Variants in CRYL1 observed in about 807,000 individuals in gnomAD.
CRYL1 encodes lambda-crystallin homolog.
In CRYL1, 29 loss-of-function variants were observed where a neutral mutation model predicts 36.6. The observed-to-expected ratio is 0.79, with a 90% CI of 0.59 to 1.08. The LOEUF is 1.08. CRYL1 is among the 50% of genes least tolerant of loss of function. The pLI is 0.00. For synonymous variants in CRYL1, 152 were observed against 151.5 expected (o/e 1.00, Z -0.02); for missense variants, 411 against 407.9 (o/e 1.01, Z -0.06).
chr13:20,430,053 C>T (rs1439273948), intron 5 of CRYL1, among the ~76,000 whole-genome samples: 1 of 152,094 alleles, frequency 6.6e-6, no homozygotes, highest in Non-Finnish European at 1.5e-5. Flanking sequence ...ATAACTAAAG[C>T]CCCTCATACC....
At position 20,458,349 on chromosome 13, in the gene CRYL1, C is replaced by T. The variant is rs564594793; in HGVS notation, c.277-18595G>A. Reference sequence around the variant, plus strand: ...GTGGTTATTTCCCTTTAAGCAATAACCAAAAGGGCAGGTCCCACCCCAAGA... The same window carrying T: ...GTGGTTATTTCCCTTTAAGCAATAATCAAAAGGGCAGGTCCCACCCCAAGA... On this transcript the variant is annotated intron_variant, in intron 3 of 7. Transcript: ENST00000298248. Among the ~76,000 whole-genome samples, 7 of 152,160 alleles carry T rather than the reference C, an allele frequency of 4.6e-5. No homozygotes were observed. The East Asian group carries it at 1.4e-3, about 29-fold the overall frequency.
chr13:20,421,527 C>A (rs2031815833), intron 5 of CRYL1, among the ~76,000 whole-genome samples: 1 of 152,200 alleles, frequency 6.6e-6, no homozygotes, highest in Non-Finnish European at 1.5e-5. Flanking sequence ...TGGCTTCTAC[C>A]TGCAGCTGAT....
chr13:20,473,005 G>A (rs1211661677), intron 3 of CRYL1: 1 of 152,306 alleles, frequency 6.6e-6, no homozygotes, highest in Non-Finnish European at 1.5e-5. Flanking sequence ...TAGGATTTGG[G>A]GGTCCAAGAT....
chr13:20,467,961 T>C (rs1003864479), intron 3 of CRYL1, among the ~76,000 whole-genome samples: 3 of 152,136 alleles, frequency 2.0e-5, no homozygotes, highest in African/African-American at 7.2e-5. Flanking sequence ...AACCCTGTTG[T>C]GAACCTCACA....
intron 6 of CRYL1, among the ~76,000 whole-genome samples, chr13:20,407,037 C>T (rs908830365): frequency 1.3e-5 from 2 of 150,138 alleles, no homozygotes; most frequent in African/African-American, 2.4e-5. Flanking sequence ...GCCTTTGTAA[C>T]GTTTTAAAGG....
At chr13:20,479,595 A>C (rs1302990867) in intron 3 of CRYL1, among the ~76,000 whole-genome samples, 1 of 152,222 alleles carries the variant, frequency 6.6e-6, no homozygotes, top group Admixed American at 6.5e-5. Context: ...GTTGATTAAT[A>C]TAAGTAGAAT....
intron 3 of CRYL1, among the ~76,000 whole-genome samples, chr13:20,470,715 CCTGA>C (rs1321330571): frequency 2.0e-5 from 3 of 151,932 alleles, no homozygotes; most frequent in South Asian, 4.1e-4. Context: ...TTGAGAACAG[CCTGA>C]CTAACATGGT....
At chr13:20,446,966 G>A (rs1266914364) in intron 3 of CRYL1, among the ~76,000 whole-genome samples, 1 of 152,154 alleles carries the variant, frequency 6.6e-6, no homozygotes, top group East Asian at 1.9e-4. Flanking sequence ...TTTTTTGTTA[G>A]CAATTATTTA....
intron 2 of CRYL1, among the ~76,000 whole-genome samples, chr13:20,507,661 G>A (rs973900682): frequency 5.3e-5 from 8 of 152,316 alleles, no homozygotes; most frequent in African/African-American, 1.4e-4. Flanking sequence ...GCTCACACCT[G>A]TAATCCCAGC....
At position 20,415,423 on chromosome 13, in the gene CRYL1, G is replaced by T. The variant is rs890149857; in HGVS notation, c.634-2036C>A. Among the ~76,000 whole-genome samples the T allele has an allele frequency of 1.3e-5, 2 of 152,126 alleles. No individual in the cohort carries two copies. Among genetic ancestry groups the T allele is most frequent in the Non-Finnish European group, 2.9e-5 (2 of 68,002 alleles). ...GGCGACAGCCAGGTGCCTCAGGTCCGTGTGCTGGCTTGGACACCGCCCTGC... is the reference window on the plus strand; with the variant it reads ...GGCGACAGCCAGGTGCCTCAGGTCCTTGTGCTGGCTTGGACACCGCCCTGC... On this transcript the variant is annotated intron_variant, in intron 5 of 7. Coordinates refer to ENST00000298248, the MANE Select transcript of CRYL1 (RefSeq NM_015974.3). This position sits in a 1 kb window ranked among gnomAD's most constrained non-coding sequence, Gnocchi z 4.1.
At chr13:20,460,019 G>A (rs1353153530) in intron 3 of CRYL1, among the ~76,000 whole-genome samples, 1 of 152,030 alleles carries the variant, frequency 6.6e-6, no homozygotes, top group Admixed American at 6.6e-5. Flanking sequence ...ATATACAAAT[G>A]ATTTGGAATT....
chr13:20,408,254 C>T (rs974810908), intron 6 of CRYL1, among the ~76,000 whole-genome samples: 1 of 152,158 alleles, frequency 6.6e-6, no homozygotes, highest in African/African-American at 2.4e-5. Flanking sequence ...AGCTCACCTG[C>T]TTCCACTGGC....
chr13:20,481,808 G>A lies in CRYL1; in HGVS notation c.276+7562C>T, dbSNP rs148839385. The stretch of plus-strand genomic sequence containing the variant: ...CGCCTATAATCCCAGCTACTTGGGA[G>A]GCTGAGGTAGGAGAATTGCTTTAAC... On this transcript the variant is annotated intron_variant, in intron 3 of 7. Transcript: ENST00000298248. This position sits in a 1 kb window ranked among gnomAD's most constrained non-coding sequence, Gnocchi z 4.1. 6.6e-6 allele frequency among the ~76,000 whole-genome samples: 1 copy of A among 152,258 alleles called. No individual in the cohort carries two copies. Among genetic ancestry groups the A allele is most frequent in the East Asian group, 1.9e-4 (1 of 5,182 alleles).
Position 20,439,721 on chromosome 13 carries a change from T to C in CRYL1, c.310A>G (p.Lys104Glu), listed in dbSNP as rs2032314089. 9.9e-6 allele frequency: 16 copies of C among 1,614,122 alleles called. No individual in the cohort carries two copies. The highest frequency in any genetic ancestry group is 1.3e-5 in the Non-Finnish European group (15 of 1,180,008). The change falls in exon 4 of 8, where the codon AAG becomes GAG. Residue 104 changes from lysine to glutamate, a missense_variant. Lys to Glu is a moderately conservative substitution (Grantham distance 56). Coordinates refer to ENST00000298248, the MANE Select transcript of CRYL1 (RefSeq NM_015974.3). ...CVPEDLELKK[K>E]IFAQLDSIID... ...ATGGAATCTAACTGAGCAAAAATCT[T>C]CTTCTTCAGTTCTAGATCTTCTGGA...
chr13:20,446,591 A>G (rs2032461603), intron 3 of CRYL1, among the ~76,000 whole-genome samples: 1 of 152,224 alleles, frequency 6.6e-6, no homozygotes, highest in African/African-American at 2.4e-5. Context: ...AGACCAGAGA[A>G]TCAGCTGATG....
intron 1 of CRYL1, among the ~76,000 whole-genome samples, chr13:20,522,700 G>A (rs1047570615): frequency 2.6e-5 from 4 of 151,772 alleles, no homozygotes; most frequent in African/African-American, 9.7e-5. Flanking sequence ...AGCAGGACAG[G>A]AGAAAGGGCA....
intron 5 of CRYL1, among the ~76,000 whole-genome samples, chr13:20,429,267 GT>G (rs1254511367): frequency 6.6e-6 from 1 of 152,212 alleles, no homozygotes; most frequent in African/African-American, 2.4e-5. Flanking sequence ...GCTCTTGAAA[GT>G]TTTGAGGCAA....
In CRYL1 at chr13:20,432,122, C is replaced by G. The variant is rs563205436; in HGVS notation, c.613G>C (p.Glu205Gln). 9.9e-6 allele frequency: 16 copies of G among 1,614,026 alleles called. No homozygotes were observed. The highest frequency in any genetic ancestry group is 1.3e-5 in the Non-Finnish European group (15 of 1,180,032). ...LNRLQYAIISEAWRLVEEGIV... is the reference protein window; with the variant it reads ...LNRLQYAIISQAWRLVEEGIV... ...CACACCTCCACTAGCCGCCAGGCCT[C>G]GCTGATGATTGCATATTGCAGGCGG... Residue 205 changes from glutamate (E) to glutamine (Q), a missense_variant, in exon 5 of 8, where the codon GAG (glutamate) becomes CAG (glutamine). Physicochemically the swap from Glu to Gln is conservative, Grantham distance 29. Transcript: ENST00000298248.
At chr13:20,499,577 C>T (rs2033669081) in intron 2 of CRYL1, among the ~76,000 whole-genome samples, 1 of 150,630 alleles carries the variant, frequency 6.6e-6, no homozygotes, top group African/African-American at 2.5e-5. Flanking sequence ...GGCGTGAACC[C>T]GAGAGCAGAG....
Sources: gnomAD v4.1 joint callset for allele counts (sites outside exome capture counted in the v4.1 genomes callset) on GRCh38, gnomAD v4.1.1 for gene constraint, Gnocchi (gnomAD v3.1) non-coding constraint, MANE v1.5 for transcripts, NCBI Gene and HGNC (gene_info 2026-07-23, HGNC 2026-07-21) for gene names.